MRTFB: variants seen among roughly 807,000 people sequenced by gnomAD.
MRTFB encodes the protein myocardin related transcription factor B, also known as myocardin-related transcription factor B.
MRTFB carries 29 observed loss-of-function variants against 104.2 expected under a neutral mutation model. The ratio of observed to expected loss-of-function variants is 0.28; its 90% CI spans 0.21 to 0.38. The LOEUF (loss-of-function observed/expected upper bound fraction) is 0.38, where lower values mean the gene tolerates loss of function less well. MRTFB is among the 10% of genes least tolerant of loss of function. The pLI, the probability that MRTFB is intolerant of heterozygous loss-of-function variation, is 1.00. For missense variants in MRTFB, 1,270 were observed against 1,341.6 expected (o/e 0.95, Z 0.83); for synonymous variants, 535 against 519.5 (o/e 1.03, Z -0.41).
chr16:14,260,921 C>G lies in MRTFB; in HGVS notation c.2777C>G (p.Pro926Arg). ...TTATTTTACACAGAGATCTCCCTCCCCATAAAAGAAGAACCTTCTCCTATT... is the reference window on the plus strand; with the variant it reads ...TTATTTTACACAGAGATCTCCCTCCGCATAAAAGAAGAACCTTCTCCTATT... ...ILIKSGEISLPIKEEPSPISK... is the reference protein window; with the variant it reads ...ILIKSGEISLRIKEEPSPISK... Residue 926 changes from proline to arginine, a missense_variant, in exon 17 of 17, where the codon CCC becomes CGC. Pro to Arg is a moderately radical substitution (Grantham distance 103, BLOSUM62 -2). This residue lies in a region of MRTFB where 1,144 missense variants were observed against 1,131.5 expected (regional missense o/e 1.01). Coordinates refer to ENST00000571589, the MANE Select transcript of MRTFB (RefSeq NM_001308142.2). 1 of 1,603,684 alleles carries G rather than the reference C, an allele frequency of 6.2e-7. No individual in the cohort carries two copies. The highest frequency in any genetic ancestry group is 8.5e-7 in the Non-Finnish European group (1 of 1,174,242).
rs756738319 is a variant in MRTFB at position 14,252,019 on chromosome 16, A to G, written c.2561A>G (p.Asn854Ser). 5.6e-6 allele frequency: 9 copies of G among 1,613,978 alleles called. No homozygotes were observed. The East Asian group carries it at 1.8e-4, about 32-fold the overall frequency. Reference protein sequence around the residue: ...PSLQNGPNTPNKPSSPPPPQQ... With the variant: ...PSLQNGPNTPSKPSSPPPPQQ... ...CTGCAAAATGGACCTAACACACCCA[A>G]CAAGGTAACCCTGTGAGGCTTGTGT... Residue 854 changes from asparagine (N) to serine (S), a missense_variant, in exon 14 of 17, where the codon AAC becomes AGC. This residue lies in a region of MRTFB where 1,144 missense variants were observed against 1,131.5 expected (regional missense o/e 1.01). Transcript: ENST00000571589.
At chr16:14,159,651 C>G (rs1038220968) in intron 3 of MRTFB, among the ~76,000 whole-genome samples, 11 of 152,100 alleles carry the variant, frequency 7.2e-5, no homozygotes, top group Non-Finnish European at 1.5e-4. Flanking sequence ...GAATCATGGC[C>G]GGGCGCGGTG....
chr16:14,173,328 T>C (rs1219945978), intron 3 of MRTFB, among the ~76,000 whole-genome samples: 3 of 152,230 alleles, frequency 2.0e-5, no homozygotes, highest in Non-Finnish European at 4.4e-5. Context: ...TTATGATGTG[T>C]TATCCTATCC....
chr16:14,160,032 C>A (rs1464301906), intron 3 of MRTFB, among the ~76,000 whole-genome samples: 2 of 151,230 alleles, frequency 1.3e-5, no homozygotes, highest in Non-Finnish European at 2.9e-5. Flanking sequence ...CTCCTGTAAA[C>A]CACAATATAG....
At chr16:14,205,649 T>G (rs1193992307) in intron 3 of MRTFB, among the ~76,000 whole-genome samples, 1 of 152,254 alleles carries the variant, frequency 6.6e-6, no homozygotes, top group Non-Finnish European at 1.5e-5. Context: ...TGAGCAATTG[T>G]AACATGAAGT....
intron 4 of MRTFB, among the ~76,000 whole-genome samples, chr16:14,212,047 G>C (rs1427173498): frequency 6.6e-6 from 1 of 152,158 alleles, no homozygotes; most frequent in African/African-American, 2.4e-5. Context: ...ACTCATCAAG[G>C]AGTCATCAGA....
the MRTFB span, among the ~76,000 whole-genome samples, chr16:14,046,316 A>G: frequency 1.3e-5 from 2 of 151,976 alleles, no homozygotes; most frequent in African/African-American, 2.4e-5. Context: ...ACAGAGTGAG[A>G]CCCTGTCTCA....
the MRTFB span, among the ~76,000 whole-genome samples, chr16:13,994,855 G>A: frequency 1.4e-4 from 21 of 152,266 alleles, no homozygotes; most frequent in Non-Finnish European, 1.3e-4. Flanking sequence ...ACTCTGAGAC[G>A]ACCCGTAAAC....
At chr16:14,249,705 C>A (rs2043173924) in intron 13 of MRTFB, among the ~76,000 whole-genome samples, 1 of 152,202 alleles carries the variant, frequency 6.6e-6, no homozygotes. Context: ...CTCCCGCATT[C>A]CCCGGTAGCC....
chr16:14,159,655 C>T lies in MRTFB; in HGVS notation c.154+18895C>T, dbSNP rs993774722. Among the ~76,000 whole-genome samples, 8 of 152,158 alleles carry T rather than the reference C, an allele frequency of 5.3e-5. No homozygotes were observed. In the East Asian group the frequency reaches 7.7e-4, roughly 15 times the overall value. On this transcript the variant is annotated intron_variant, in intron 3 of 16. Transcript: ENST00000571589. ...ACTTTATTTAAGAATCATGGCCGGG[C>T]GCGGTGGCTCACGCCTGTAATCCCA...
chr16:14,233,099 G>T (rs2042338627), intron 8 of MRTFB, among the ~76,000 whole-genome samples: 1 of 152,184 alleles, frequency 6.6e-6, no homozygotes, highest in Non-Finnish European at 1.5e-5. Flanking sequence ...AGTGAGAATT[G>T]ATAAAACCTA....
chr16:14,073,033 A>G (rs193246759), intron 1 of MRTFB, among the ~76,000 whole-genome samples: 1 of 152,314 alleles, frequency 6.6e-6, no homozygotes, highest in East Asian at 1.9e-4. Context: ...TGATACTACA[A>G]TTGTATGTTA....
At chr16:14,076,605 T>G (rs1209529529) in intron 1 of MRTFB, among the ~76,000 whole-genome samples, 1 of 152,252 alleles carries the variant, frequency 6.6e-6, no homozygotes, top group Non-Finnish European at 1.5e-5. Flanking sequence ...GACGCTGTGC[T>G]GAATAACCTT....
At chr16:14,207,723 C>G (rs1240356519) in intron 3 of MRTFB, among the ~76,000 whole-genome samples, 1 of 152,122 alleles carries the variant, frequency 6.6e-6, no homozygotes, top group African/African-American at 2.4e-5. Flanking sequence ...CCCTATGTGT[C>G]TCTTCCATTT....
the MRTFB span, chr16:14,013,286 C>T: frequency 1.3e-5 from 2 of 152,066 alleles, no homozygotes; most frequent in Non-Finnish European, 2.9e-5. Context: ...AATCTCTATC[C>T]GGAAATTGAT....
At chr16:14,157,673 A>G (rs1299032956) in intron 3 of MRTFB, among the ~76,000 whole-genome samples, 2 of 152,216 alleles carry the variant, frequency 1.3e-5, no homozygotes, top group African/African-American at 4.8e-5. Context: ...TAACTGATCT[A>G]CAGCAGATAG....
chr16:14,180,908 C>A lies in MRTFB; in HGVS notation c.155-29335C>A, dbSNP rs369454933. ...GACTGTTTGGCCCTGTTGTGGTGTT[C>A]AATTCTGCTGCAGTGCTTAACTGTG... is the stretch of plus-strand genomic sequence containing the variant. On this transcript the variant is annotated intron_variant, in intron 3 of 16. Transcript: ENST00000571589. Among the ~76,000 whole-genome samples the A allele has an allele frequency of 1.7e-4, 26 of 152,296 alleles. No homozygotes were observed. In the East Asian group the frequency reaches 2.9e-3, roughly 17 times the overall value.
chr16:14,125,713 G>A (rs1031241007), intron 2 of MRTFB, among the ~76,000 whole-genome samples: 1 of 152,150 alleles, frequency 6.6e-6, no homozygotes, highest in Non-Finnish European at 1.5e-5. Context: ...TGGCAAATGG[G>A]TTTTTGTACT....
intron 3 of MRTFB, among the ~76,000 whole-genome samples, chr16:14,159,343 T>A (rs1567399384): frequency 6.6e-6 from 1 of 152,190 alleles, no homozygotes; most frequent in South Asian, 2.1e-4. Context: ...CTCAGCTAAA[T>A]GAATGAAGAA....
Sources: allele counts gnomAD v4.1 joint callset (sites outside exome capture counted in the v4.1 genomes callset), GRCh38; gene constraint gnomAD v4.1.1; regional missense constraint gnomAD v4.1.1; transcripts MANE v1.5; gene names NCBI Gene and HGNC (gene_info 2026-07-23, HGNC 2026-07-21).